Variants in LPCAT4 observed in about 807,000 individuals in gnomAD.
LPCAT4 encodes lysophosphatidylcholine acyltransferase 4.
In LPCAT4, 30 loss-of-function variants were observed where a neutral mutation model predicts 66.5. That is an observed-to-expected ratio of 0.45 (90% CI 0.34 to 0.61). The LOEUF is 0.61. Among genes scored for constraint, LPCAT4 ranks in the 20% least tolerant of loss-of-function variants. LPCAT4 has a pLI of 0.01. For synonymous variants in LPCAT4, 253 were observed against 262.1 expected, an observed-to-expected ratio of 0.97 and a Z score of 0.34; for missense variants, 557 against 656.7, an observed-to-expected ratio of 0.85 and a Z score of 1.66.
At chr15:34,361,588 A>G (rs1275374718) in intron 10 of LPCAT4, 56 bp from the exon 11 acceptor site, 20 of 1,603,412 alleles carry the variant, frequency 1.2e-5, no homozygotes, top group Non-Finnish European at 1.7e-5. Context: ...TGGACACACC[A>G]TCAGCAGGAC....
At position 34,359,646 on chromosome 15, in the gene LPCAT4, C is replaced by T. The variant is rs771175503; in HGVS notation, c.1342G>A (p.Ala448Thr). 24 of 1,613,432 alleles carry T rather than the reference C, an allele frequency of 1.5e-5. No individual in the cohort carries two copies. The East Asian group carries it at 4.7e-4, about 31-fold the overall frequency. ...HLLLGSPHPA[A>T]TALHAELCQA... is the part of the protein sequence containing the mutation. ...CACAGCTCAGCATGCAAAGCTGTGG[C>T]AGCAGGGTGGGGTGAACCCAGCAGC... The change falls in exon 13 of 14, where the codon GCC (alanine) becomes ACC (threonine). Residue 448 changes from alanine (A) to threonine (T), a missense_variant. Transcript: ENST00000314891.
intron 3 of LPCAT4, chr15:34,364,548 C>G (rs899639969): frequency 4.4e-5 from 16 of 360,502 alleles, no homozygotes; most frequent in Admixed American, 1.8e-4. Context: ...CTCAGCCTCC[C>G]GAGTAGCTGG....
rs1454062724 is a variant in LPCAT4 at position 34,362,221 on chromosome 15, G to C, written c.985C>G (p.Leu329Val). The C allele has an allele frequency of 1.9e-6, 3 of 1,612,988 alleles. No homozygotes were observed. Among genetic ancestry groups the C allele is most frequent in the African/African-American group, 1.3e-5 (1 of 74,476 alleles). Reference protein sequence around the residue: ...KVALEPQLWELGKVLRKAGLS... With the variant: ...KVALEPQLWEVGKVLRKAGLS... ...CCAGCCTTCCGAAGCACTTTTCCCAGTTCCCAGAGCTGTGGTTCCAACGCC... is the reference window on the plus strand; with the variant it reads ...CCAGCCTTCCGAAGCACTTTTCCCACTTCCCAGAGCTGTGGTTCCAACGCC... Residue 329 changes from leucine (L) to valine (V), a missense_variant, in exon 10 of 14, where the codon CTG (leucine) becomes GTG (valine). By Grantham distance (32) the Leu-to-Val change is conservative. Coordinates refer to ENST00000314891, the MANE Select transcript of LPCAT4 (RefSeq NM_153613.3).
rs202156641 is a variant in LPCAT4, at chr15:34,365,003, C to T, written c.478+5G>A. On this transcript the variant is annotated splice_donor_5th_base_variant and intron_variant, in intron 3 of 13. Coordinates refer to ENST00000314891, the MANE Select transcript of LPCAT4 (RefSeq NM_153613.3). ...CTGCCCTTCACCCCCTTTGAACTCT[C>T]TCACCTCCAATGACAGGAACGGAAA... The T allele has an allele frequency of 6.2e-7, 1 of 1,604,902 alleles. No homozygotes were observed. Among genetic ancestry groups the T allele is most frequent in the Admixed American group, 1.7e-5 (1 of 59,772 alleles).
chr15:34,359,034 T>G lies in LPCAT4; in HGVS notation c.*93A>C. On this transcript the variant is annotated 3_prime_UTR_variant, in exon 14 of 14. Coordinates refer to ENST00000314891, the MANE Select transcript of LPCAT4 (RefSeq NM_153613.3). ...TAAAAAAACAACAACCAAACAACAATAACAAAATTCAAACAGGAGCAGAGA... is the reference window on the plus strand; with the variant it reads ...TAAAAAAACAACAACCAAACAACAAGAACAAAATTCAAACAGGAGCAGAGA... The G allele has an allele frequency of 9.6e-7, 1 of 1,038,416 alleles. No individual in the cohort carries two copies. The highest frequency in any genetic ancestry group is 1.3e-6 in the Non-Finnish European group (1 of 764,480). 64.3% of individuals were successfully genotyped at this position (1,038,416 alleles called of 1,614,324 possible). A position where few individuals can be genotyped will look rare whatever the true frequency, so the allele number is the denominator to read the frequency against.
At chr15:34,361,308 C>A in intron 11 of LPCAT4, 92 bp downstream of exon 11, 1 of 1,569,924 alleles carries the variant, frequency 6.4e-7, no homozygotes, top group Non-Finnish European at 8.6e-7. Flanking sequence ...ACTGAGGACT[C>A]CAAACTGTGA....
chr15:34,362,910 C>T, intron 7 of LPCAT4, 74 bp from the exon 8 acceptor site: 2 of 1,466,784 alleles, frequency 1.4e-6, no homozygotes, highest in Non-Finnish European at 1.9e-6. Flanking sequence ...CACCCCACTC[C>T]CCTTCCCCAA....
chr15:34,366,971 G>T lies in LPCAT4; in HGVS notation c.114+16C>A. The stretch of plus-strand genomic sequence containing the variant: ...ATCCTCACGGGTCCTTCCGACGCCC[G>T]CTCCCCACACATTACCTTAACCCTC... On this transcript the variant is annotated intron_variant, in intron 1 of 13. Transcript: ENST00000314891. 6.5e-7 allele frequency: 1 copy of T among 1,540,458 alleles called. No homozygotes were observed. The highest frequency in any genetic ancestry group is 8.8e-7 in the Non-Finnish European group (1 of 1,138,876).
In LPCAT4 at chr15:34,364,130, G is replaced by A. The variant is rs774112795; in HGVS notation, c.592-57C>T. 4 of 1,596,222 alleles carry A rather than the reference G, an allele frequency of 2.5e-6. No individual in the cohort carries two copies. The South Asian group carries it at 3.3e-5, about 13-fold the overall frequency. On this transcript the variant is annotated intron_variant, in intron 4 of 13. Coordinates refer to ENST00000314891, the MANE Select transcript of LPCAT4 (RefSeq NM_153613.3). ...AAGACTGAAGAAGGCTGTGGAGAGA[G>A]GAAAGGGAAGCCTCTTCAGGAGCAC...
At chr15:34,364,895 T>C in intron 3 of LPCAT4, 113 bp downstream of exon 3, 1 of 816,692 alleles carries the variant, frequency 1.2e-6, no homozygotes, top group Non-Finnish European at 2.0e-6. Context: ...ATATTTCACT[T>C]GCCAACAGTC....
In LPCAT4 at chr15:34,364,223, G is replaced by A. The variant is rs752945059; in HGVS notation, c.562C>T (p.Arg188Trp). ...GGCCACTTGCCTCCTGAGGTGGCCCGCCTTCGGACCTCCTCCACCACTCTG... is the reference window on the plus strand; with the variant it reads ...GGCCACTTGCCTCCTGAGGTGGCCCACCTTCGGACCTCCTCCACCACTCTG... ...RRRVVEEVRR[R>W]ATSGGKWPQV... The change falls in exon 4 of 14, where the codon CGG (arginine) becomes TGG (tryptophan). Residue 188 changes from arginine to tryptophan, a missense_variant. By Grantham distance (101) the Arg-to-Trp change is moderately radical (BLOSUM62 -3). Transcript: ENST00000314891. 5.0e-6 allele frequency: 8 copies of A among 1,613,730 alleles called. No individual in the cohort carries two copies. The highest frequency in any genetic ancestry group is 1.3e-5 in the African/African-American group (1 of 75,040).
rs978227130 is a variant in LPCAT4 at position 34,359,076 on chromosome 15, G to A, written c.*51C>T. ...GAGCAGAGATGGGGCTGAGGCATAGGGGAGGCCCCTAGCGCTGCCCTGAGG... is the reference window on the plus strand; with the variant it reads ...GAGCAGAGATGGGGCTGAGGCATAGAGGAGGCCCCTAGCGCTGCCCTGAGG... On this transcript the variant is annotated 3_prime_UTR_variant, in exon 14 of 14. Coordinates refer to ENST00000314891, the MANE Select transcript of LPCAT4 (RefSeq NM_153613.3). 3 of 1,496,942 alleles carry A rather than the reference G, an allele frequency of 2.0e-6. No homozygotes were observed. Among genetic ancestry groups the A allele is most frequent in the South Asian group, 1.2e-5 (1 of 82,698 alleles). 92.7% of individuals were successfully genotyped at this position (1,496,942 alleles called of 1,614,324 possible).
intron 1 of LPCAT4, chr15:34,365,907 G>A: frequency 1.7e-6 from 1 of 573,692 alleles, no homozygotes; most frequent in Admixed American, 3.1e-5. Flanking sequence ...ATGGCATCAA[G>A]GGCCTTATTT....
chr15:34,360,748 A>G (rs1289856048), intron 11 of LPCAT4, among the ~76,000 whole-genome samples: 1 of 152,210 alleles, frequency 6.6e-6, no homozygotes, highest in Non-Finnish European at 1.5e-5. Flanking sequence ...TAAGGAATCT[A>G]GATACCTGGT....
intron 11 of LPCAT4, 95 bp downstream of exon 11, chr15:34,361,305 A>G (rs1337130117): frequency 6.4e-7 from 1 of 1,557,888 alleles, no homozygotes; most frequent in African/African-American, 1.4e-5. Flanking sequence ...TCCACTGAGG[A>G]CTCCAAACTG....
At chr15:34,360,326 C>T (rs1369531577) in intron 11 of LPCAT4, 117 bp from the exon 12 acceptor site, 8 of 737,696 alleles carry the variant, frequency 1.1e-5, no homozygotes, top group Non-Finnish European at 1.8e-5. Flanking sequence ...GTGACTGCTC[C>T]CCTCAGAACT....
At position 34,365,100 on chromosome 15, in the gene LPCAT4, T is replaced by C; in HGVS notation, c.386A>G (p.His129Arg). ...AACAATGGGGTCAAAGAAAGTGGAG[T>C]GTGGGGCAGCAACAAGGACAGGGGC... ...LQAPVLVAAP[H>R]STFFDPIVLL... The change falls in exon 3 of 14, where the codon CAC (histidine) becomes CGC (arginine). Residue 129 changes from histidine to arginine, a missense_variant. By Grantham distance (29) the His-to-Arg change is conservative. Around this residue, in one of 4 missense-constraint regions of LPCAT4, gnomAD observed 6 missense variants for 27.9 expected, o/e 0.22. Coordinates refer to ENST00000314891, the MANE Select transcript of LPCAT4 (RefSeq NM_153613.3). 6.2e-7 allele frequency: 1 copy of C among 1,613,854 alleles called. No individual in the cohort carries two copies. Among genetic ancestry groups the C allele is most frequent in the Non-Finnish European group, 8.5e-7 (1 of 1,179,978 alleles).
In LPCAT4 at chr15:34,363,796, C is replaced by T. The variant is rs1891004981; in HGVS notation, c.653-77G>A. The T allele has an allele frequency of 1.2e-5, 18 of 1,500,144 alleles. No homozygotes were observed. The South Asian group carries it at 2.0e-4, about 17-fold the overall frequency. 92.9% of individuals were successfully genotyped at this position (1,500,144 alleles called of 1,614,324 possible). ...AGTAGCTAGAGGGCATGAGGTATGG[C>T]AGTCTGGGACAGTTCTCAAATGAGA... On this transcript the variant is annotated intron_variant, in intron 5 of 13. Coordinates refer to ENST00000314891, the MANE Select transcript of LPCAT4 (RefSeq NM_153613.3). The surrounding 1 kb of genome is among the most constrained non-coding windows in gnomAD (Gnocchi z 4.3).
chr15:34,363,201 A>C lies in LPCAT4; in HGVS notation c.746+221T>G, dbSNP rs1017183061. On this transcript the variant is annotated intron_variant, in intron 7 of 13. Coordinates refer to ENST00000314891, the MANE Select transcript of LPCAT4 (RefSeq NM_153613.3). This position sits in a 1 kb window ranked among gnomAD's most constrained non-coding sequence, Gnocchi z 4.3. ...CAGAAACATGGGAAGATAAATGCAT[A>C]GCAGCCATAATCACAGCAGGAACAG... is the stretch of plus-strand genomic sequence containing the variant. 6.6e-6 allele frequency among the ~76,000 whole-genome samples: 1 copy of C among 152,248 alleles called. No homozygotes were observed. The highest frequency in any genetic ancestry group is 1.5e-5 in the Non-Finnish European group (1 of 68,040).
Sources: allele counts gnomAD v4.1 joint callset (sites outside exome capture counted in the v4.1 genomes callset), GRCh38; gene constraint gnomAD v4.1.1; regional missense constraint gnomAD v4.1.1; non-coding constraint Gnocchi (gnomAD v3.1); transcripts MANE v1.5; gene names NCBI Gene and HGNC (gene_info 2026-07-23, HGNC 2026-07-21).